The following MMAA variants were observed in gnomAD, a reference collection of about 807,000 sequenced individuals.
MMAA encodes methylmalonic aciduria type A protein, mitochondrial.
Under a neutral mutation model 45.0 loss-of-function variants are expected in MMAA, and 41 were observed. The observed-to-expected ratio is 0.91, with a 90% CI of 0.71 to 1.18. MMAA has a LOEUF of 1.18. Ranked by LOEUF, MMAA falls within the 50% of genes most tolerant of loss-of-function variation. MMAA has a pLI of 0.00. For missense variants in MMAA, 460 were observed against 495.7 expected (o/e 0.93, Z 0.68); for synonymous variants, 154 against 178.2 (o/e 0.86, Z 1.08).
chr4:145,652,598 C>T (rs1009585294), intron 5 of MMAA, among the ~76,000 whole-genome samples: 2 of 151,896 alleles, frequency 1.3e-5, no homozygotes, highest in Non-Finnish European at 1.5e-5. Context: ...GGCATGGTGG[C>T]AGGCGCCTGT....
At chr4:145,643,957 A>G (rs944888324) in intron 3 of MMAA, among the ~76,000 whole-genome samples, 1 of 152,204 alleles carries the variant, frequency 6.6e-6, no homozygotes, top group African/African-American at 2.4e-5. Flanking sequence ...AAAATTATAT[A>G]GACTTTGAAA....
At chr4:145,628,031 A>G (rs1024658599) in intron 1 of MMAA, among the ~76,000 whole-genome samples, 3 of 152,214 alleles carry the variant, frequency 2.0e-5, no homozygotes, top group African/African-American at 7.2e-5. Flanking sequence ...AAATGCATTG[A>G]ATGTAACACT....
Position 145,639,497 on chromosome 4 carries a change from C to T in MMAA, c.358C>T (p.Gln120Ter), listed in dbSNP as rs864309727. 1.2e-6 allele frequency: 2 copies of T among 1,613,870 alleles called. No homozygotes were observed. Among genetic ancestry groups the T allele is most frequent in the Non-Finnish European group, 8.5e-7 (1 of 1,179,932 alleles). The change falls in exon 2 of 7, where the codon CAG (glutamine) becomes TAG (stop). Residue 120 changes from glutamine to a stop codon, truncating the protein, a stop_gained. Coordinates refer to ENST00000649156, the MANE Select transcript of MMAA (RefSeq NM_172250.3). LOFTEE classifies it high-confidence loss of function. ...STHSRKKELA[Q>*]VLLQKVLLYH... ...TCACAGCAGGAAAAAGGAGTTAGCC[C>T]AGGTGCTTCTTCAGAAAGTATTACT...
chr4:145,641,351 G>T (rs1426883256), intron 2 of MMAA, among the ~76,000 whole-genome samples: 1 of 152,158 alleles, frequency 6.6e-6, no homozygotes, highest in Non-Finnish European at 1.5e-5. Context: ...TATGAGGCCA[G>T]ATAAACCTGT....
chr4:145,655,087 C>T, intron 6 of MMAA, 60 bp from the exon 7 acceptor site: 1 of 1,589,612 alleles, frequency 6.3e-7, no homozygotes, highest in Non-Finnish European at 8.6e-7. Flanking sequence ...TATCAGCGTC[C>T]CTGTAAAAAT....
chr4:145,653,604 T>C (rs1052761963), intron 5 of MMAA, among the ~76,000 whole-genome samples: 3 of 152,232 alleles, frequency 2.0e-5, no homozygotes, highest in Non-Finnish European at 4.4e-5. Context: ...GAAATGCAGA[T>C]GTTAAGGATA....
chr4:145,655,165 C>T lies in MMAA; in HGVS notation c.988C>T (p.Arg330Ter), dbSNP rs571038432. Residue 330 changes from arginine (R) to a stop codon, truncating the protein, a stop_gained, in exon 7 of 7, where the codon CGA (arginine) becomes TGA (stop). Coordinates refer to ENST00000649156, the MANE Select transcript of MMAA (RefSeq NM_172250.3). LOFTEE classifies it high-confidence loss of function. ...WKPKVIRISA[R>*]SGEGISEMWD... ...TCGATAGGTAATTCGTATTTCTGCCCGAAGTGGAGAGGGGATCTCTGAAAT... is the reference window on the plus strand; with the variant it reads ...TCGATAGGTAATTCGTATTTCTGCCTGAAGTGGAGAGGGGATCTCTGAAAT... The T allele has an allele frequency of 2.2e-5, 35 of 1,613,998 alleles. No individual in the cohort carries two copies. Among genetic ancestry groups the T allele is most frequent in the African/African-American group, 2.7e-5 (2 of 75,016 alleles).
rs1000174508 is a variant in MMAA at position 145,655,664 on chromosome 4, A to G, written c.*230A>G. 4.6e-6 allele frequency: 2 copies of G among 433,194 alleles called. No individual in the cohort carries two copies. The highest frequency in any genetic ancestry group is 8.1e-6 in the Non-Finnish European group (2 of 245,480). The allele number at this position is 433,194 out of a possible 1,614,324, so 26.8% of individuals were successfully genotyped here. A position where few individuals can be genotyped will look rare whatever the true frequency, so the allele number is the denominator to read the frequency against. ...GATATCTGTTTCCTTCTCTTCTTAT[A>G]CCCTGGCATGGTGGCCTGTAGGGTA... On this transcript the variant is annotated 3_prime_UTR_variant, in exon 7 of 7. Transcript: ENST00000649156.
At position 145,624,964 on chromosome 4, in the gene MMAA, T is replaced by C; in HGVS notation, c.-66+5557T>C. ...CCAACTCCATACCTTTGGGCTGGTT[T>C]CCCTGACAGTTGGTACAGGAGTCAG... On this transcript the variant is annotated intron_variant, in intron 1 of 6. Coordinates refer to ENST00000649156, the MANE Select transcript of MMAA (RefSeq NM_172250.3). 9 of 1,095,344 alleles carry C rather than the reference T, an allele frequency of 8.2e-6. 1 individual carries two copies. In the South Asian group the frequency reaches 1.2e-4, roughly 14 times the overall value. The allele number at this position is 1,095,344 out of a possible 1,614,324, so 67.9% of individuals were successfully genotyped here. A position where few individuals can be genotyped will look rare whatever the true frequency, so the allele number is the denominator to read the frequency against.
rs1361037765 is a variant in MMAA, at chr4:145,645,977, A to G, written c.563-9A>G. ...TTCCATGATTATAAAATGTAACTGT[A>G]TGTTTTAGGATCACTCTTAGGTGAT... On this transcript the variant is annotated splice_polypyrimidine_tract_variant and intron_variant, in intron 3 of 6. Transcript: ENST00000649156. The G allele has an allele frequency of 5.6e-6, 9 of 1,613,612 alleles. No individual in the cohort carries two copies. Among genetic ancestry groups the G allele is most frequent in the Middle Eastern group, 1.6e-4 (1 of 6,082 alleles).
Position 145,655,168 on chromosome 4 carries a change from A to G in MMAA, c.991A>G (p.Ser331Gly), listed in dbSNP as rs1204250552. The G allele has an allele frequency of 6.2e-7, 1 of 1,614,032 alleles. No homozygotes were observed. Among genetic ancestry groups the G allele is most frequent in the Non-Finnish European group, 8.5e-7 (1 of 1,179,998 alleles). Residue 331 changes from serine to glycine, a missense_variant, in exon 7 of 7, where the codon AGT (serine) becomes GGT (glycine). By Grantham distance (56) the Ser-to-Gly change is moderately conservative. Transcript: ENST00000649156. ...KPKVIRISAR[S>G]GEGISEMWDK... ...ATAGGTAATTCGTATTTCTGCCCGA[A>G]GTGGAGAGGGGATCTCTGAAATGTG... is the stretch of plus-strand genomic sequence containing the variant.
At chr4:145,632,310 A>C (rs757662527) in intron 1 of MMAA, among the ~76,000 whole-genome samples, 2 of 152,150 alleles carry the variant, frequency 1.3e-5, no homozygotes, top group African/African-American at 2.4e-5. Flanking sequence ...TCAGCACTTT[A>C]AGTAGGTTAT....
At chr4:145,631,676 T>C (rs1727438379) in intron 1 of MMAA, among the ~76,000 whole-genome samples, 1 of 152,168 alleles carries the variant, frequency 6.6e-6, no homozygotes, top group African/African-American at 2.4e-5. Flanking sequence ...TAAACACTTA[T>C]TCTTGCCATT....
intron 5 of MMAA, among the ~76,000 whole-genome samples, chr4:145,651,475 G>A (rs1324218030): frequency 1.3e-5 from 2 of 152,194 alleles, no homozygotes; most frequent in Non-Finnish European, 2.9e-5. Context: ...TCTGGGGAGA[G>A]TGGGATCCCA....
At position 145,639,461 on chromosome 4, in the gene MMAA, G is replaced by A. The variant is rs1187590282; in HGVS notation, c.322G>A (p.Val108Ile). Residue 108 changes from valine to isoleucine, a missense_variant, in exon 2 of 7, where the codon GTA (valine) becomes ATA (isoleucine). Coordinates refer to ENST00000649156, the MANE Select transcript of MMAA (RefSeq NM_172250.3). ...CTGTTTAGCAGAGGCCATAACTCTT[G>A]TAGAATCAACTCACAGCAGGAAAAA... is the stretch of plus-strand genomic sequence containing the variant. Reference protein sequence around the residue: ...RACLAEAITLVESTHSRKKEL... With the variant: ...RACLAEAITLIESTHSRKKEL... 6.2e-7 allele frequency: 1 copy of A among 1,614,154 alleles called. No individual in the cohort carries two copies. Among genetic ancestry groups the A allele is most frequent in the Non-Finnish European group, 8.5e-7 (1 of 1,180,024 alleles).
Position 145,659,856 on chromosome 4 carries a change from C to T in MMAA, c.*4422C>T, listed in dbSNP as rs1165568416. On this transcript the variant is annotated 3_prime_UTR_variant, in exon 7 of 7. Transcript: ENST00000649156. ...TCTAGCTATTTTGTAATATACACTA[C>T]CTTACTGTTGCGAACCATAGTCACC... 1 of 152,038 alleles carries T rather than the reference C, an allele frequency of 6.6e-6. No individual in the cohort carries two copies. The highest frequency in any genetic ancestry group is 2.4e-5 in the African/African-American group (1 of 41,382). The allele number at this position is 152,038 out of a possible 1,614,324, so 9.4% of individuals were successfully genotyped here.
chr4:145,624,592 A>G, intron 1 of MMAA: 5 of 1,275,440 alleles, frequency 3.9e-6, no homozygotes, highest in Non-Finnish European at 5.6e-6. Context: ...AGAAGGAACC[A>G]TTGACTTTGG....
At chr4:145,649,991 G>C (rs963787847) in intron 4 of MMAA, among the ~76,000 whole-genome samples, 2 of 152,178 alleles carry the variant, frequency 1.3e-5, no homozygotes, top group Non-Finnish European at 2.9e-5. Flanking sequence ...ACCCGGGCTG[G>C]AAGACAGTTT....
At chr4:145,639,686 A>C in intron 2 of MMAA, 108 bp downstream of exon 2, 2 of 1,457,956 alleles carry the variant, frequency 1.4e-6, no homozygotes, top group Non-Finnish European at 1.8e-6. Context: ...GACTTTTTTC[A>C]CAATATTTGG....
Sources: gnomAD v4.1 joint callset for allele counts (sites outside exome capture counted in the v4.1 genomes callset) on GRCh38, gnomAD v4.1.1 for gene constraint, MANE v1.5 for transcripts, NCBI Gene and HGNC (gene_info 2026-07-23, HGNC 2026-07-21) for gene names.